Variants in BRD3 observed in about 807,000 individuals in gnomAD.
BRD3 encodes bromodomain-containing protein 3.
In BRD3, 17 loss-of-function variants were observed where a neutral mutation model predicts 66.8. The observed-to-expected ratio is 0.25, with a 90% confidence interval of 0.17 to 0.38. The LOEUF (loss-of-function observed/expected upper bound fraction) is 0.38. BRD3 is among the 10% of genes least tolerant of loss of function. The pLI is 1.00. For synonymous variants in BRD3, 421 were observed against 393.2 expected, an observed-to-expected ratio of 1.07 and a Z score of -0.84; for missense variants, 713 against 956.1, an observed-to-expected ratio of 0.75 and a Z score of 3.35.
Position 134,036,266 on chromosome 9 carries a change from C to T in BRD3, c.1702G>A (p.Glu568Lys). 1.2e-6 allele frequency: 2 copies of T among 1,613,882 alleles called. No individual in the cohort carries two copies. The highest frequency in any genetic ancestry group is 2.2e-5 in the East Asian group (1 of 44,882). Reference sequence around the variant, plus strand: ...TCATCGTAGCTCATGGGCAGGCCCTCCTCCTCTTCCTCTGAGTCGTAGGAG... The same window carrying T: ...TCATCGTAGCTCATGGGCAGGCCCTTCTCCTCTTCCTCTGAGTCGTAGGAG... ...SASYDSEEEE[E>K]GLPMSYDEKR... Residue 568 changes from glutamate (E) to lysine (K), a missense_variant, in exon 10 of 12, where the codon GAG becomes AAG. Around this residue, in one of 5 missense-constraint regions of BRD3, gnomAD observed 418 missense variants for 609.3 expected, o/e 0.69. Transcript: ENST00000303407.
At chr9:134,035,658 G>A (rs1025005100) in intron 10 of BRD3, among the ~76,000 whole-genome samples, 6 of 152,260 alleles carry the variant, frequency 3.9e-5, no homozygotes, top group East Asian at 1.9e-4. Flanking sequence ...AAATGGAGGG[G>A]AGCCTCAGGA....
chr9:134,052,610 G>A (rs1161242242), intron 2 of BRD3, among the ~76,000 whole-genome samples, 167 bp from the exon 3 acceptor site: 1 of 152,186 alleles, frequency 6.6e-6, no homozygotes, highest in Non-Finnish European at 1.5e-5. Flanking sequence ...TGAGTACTTG[G>A]CCAGCTCCAA....
chr9:134,046,618 G>T (rs1469710844), intron 6 of BRD3, among the ~76,000 whole-genome samples: 1 of 152,204 alleles, frequency 6.6e-6, no homozygotes, highest in Non-Finnish European at 1.5e-5. Flanking sequence ...TTCCGTTTTA[G>T]CATGTGCCGG....
chr9:134,037,188 C>A (rs77728685), intron 9 of BRD3, among the ~76,000 whole-genome samples: 1 of 152,024 alleles, frequency 6.6e-6, no homozygotes, highest in Non-Finnish European at 1.5e-5. Context: ...AAAAAATATA[C>A]CATGCAAACA....
At chr9:134,068,040 C>G (rs1167541640), upstream of BRD3, 1 of 145,084 alleles carries the variant, frequency 6.9e-6, no homozygotes, top group Non-Finnish European at 1.5e-5. Context: ...CGCGCCGGAG[C>G]CGAGCAGGGC....
At chr9:134,051,881 T>TGTGTGTGTG (rs1564555879) in intron 3 of BRD3, among the ~76,000 whole-genome samples, 172 bp from the exon 4 acceptor site, 5 of 51,788 alleles carry the variant, frequency 9.7e-5, no homozygotes, top group African/African-American at 4.9e-4. Flanking sequence ...GTGTGTGTTG[T>TGTGTGTGTG]TTTTTTTGTT....
chr9:134,043,999 A>G (rs1423034255), intron 7 of BRD3, among the ~76,000 whole-genome samples: 2 of 152,230 alleles, frequency 1.3e-5, no homozygotes, highest in Non-Finnish European at 2.9e-5. Flanking sequence ...GCAGGGGCAG[A>G]GCTGCCAGCT....
At chr9:134,066,894 G>A (rs1830671175) in intron 1 of BRD3, among the ~76,000 whole-genome samples, 1 of 152,206 alleles carries the variant, frequency 6.6e-6, no homozygotes, top group African/African-American at 2.4e-5. Context: ...GAACCCACAC[G>A]ATGGACGCCG....
At chr9:134,051,985 G>A (rs1830316736) in intron 3 of BRD3, among the ~76,000 whole-genome samples, 1 of 150,874 alleles carries the variant, frequency 6.6e-6, no homozygotes, top group Non-Finnish European at 1.5e-5. Flanking sequence ...CCACCTCCCG[G>A]GTTTAAGTGA....
intron 1 of BRD3, 125 bp from the exon 2 acceptor site, chr9:134,053,715 C>A: frequency 1.2e-6 from 1 of 838,748 alleles, no homozygotes; most frequent in Non-Finnish European, 1.7e-6. Context: ...ACTCACTCAC[C>A]CCCATTGCCC....
intron 1 of BRD3, among the ~76,000 whole-genome samples, chr9:134,061,593 G>A (rs560183399): frequency 3.9e-5 from 6 of 152,200 alleles, no homozygotes; most frequent in African/African-American, 1.4e-4. Context: ...CCATAGCTCT[G>A]GGCCTCTGTA....
chr9:134,062,379 C>T (rs538325590), intron 1 of BRD3, among the ~76,000 whole-genome samples: 198 of 152,254 alleles, frequency 1.3e-3, no homozygotes, highest in Non-Finnish European at 2.2e-3. Flanking sequence ...CAGCTGCCAG[C>T]GCTGCCTCTC....
chr9:134,060,192 C>T (rs532691422), intron 1 of BRD3, among the ~76,000 whole-genome samples: 61 of 152,328 alleles, frequency 4.0e-4, no homozygotes, highest in African/African-American at 1.4e-3. Flanking sequence ...AGGCAGCCTG[C>T]CTTAGACACA....
rs934182929 is a variant in BRD3, at chr9:134,045,670, T to C, written c.1087-249A>G. Among the ~76,000 whole-genome samples, 6 of 152,114 alleles carry C rather than the reference T, an allele frequency of 3.9e-5. No individual in the cohort carries two copies. The highest frequency in any genetic ancestry group is 1.4e-4 in the African/African-American group (6 of 41,426). ...GGACTCCAGAGACAGATCTCCTGAT[T>C]GGAAGAAAAATGCACTCAACAAGAA... On this transcript the variant is annotated intron_variant, in intron 6 of 11. Coordinates refer to ENST00000303407, the MANE Select transcript of BRD3 (RefSeq NM_007371.4). This position sits in a 1 kb window ranked among gnomAD's most constrained non-coding sequence, Gnocchi z 4.8.
chr9:134,067,457 G>C (rs529488411), intron 1 of BRD3, among the ~76,000 whole-genome samples: 3 of 149,274 alleles, frequency 2.0e-5, no homozygotes, highest in South Asian at 2.1e-4. Context: ...TGGCCCCGCG[G>C]AGCGCACGGC....
At chr9:134,067,820 TTCA>T in intron 1 of BRD3, 122 bp downstream of exon 1, 1 of 140,506 alleles carries the variant, frequency 7.1e-6, no homozygotes, top group African/African-American at 2.5e-5. Flanking sequence ...GGGCGCCCGG[TTCA>T]CCCGGACGCG....
rs200585897 is a variant in BRD3 at position 134,040,255 on chromosome 9, G to A, written c.1422C>T (p.His474=). The part of the protein sequence containing the change: ...AELQEQLKAV[H]EQLAALSQAP... ...CCTGAGACAGGGCGGCCAGCTGCTCGTGCACGGCCTTCAGCTGGAAAAGAG... is the reference window on the plus strand; with the variant it reads ...CCTGAGACAGGGCGGCCAGCTGCTCATGCACGGCCTTCAGCTGGAAAAGAG... The change falls in exon 9 of 12, where the codon CAC becomes CAT. Residue 474 remains histidine (H), a synonymous_variant. Coordinates refer to ENST00000303407, the MANE Select transcript of BRD3 (RefSeq NM_007371.4). 7.9e-5 allele frequency: 126 copies of A among 1,595,110 alleles called. No homozygotes were observed. Among genetic ancestry groups the A allele is most frequent in the Middle Eastern group, 1.6e-4 (1 of 6,064 alleles).
In BRD3 at chr9:134,041,873, T is replaced by C. The variant is rs1355009604; in HGVS notation, c.1294A>G (p.Met432Val). Reference protein sequence around the residue: ...APALPAPAAPMVSKGAESSRS... With the variant: ...APALPAPAAPVVSKGAESSRS... ...CTGCTCTCAGCGCCCTTGCTCACCA[T>C]GGGGGCCGCGGGGGCAGGCAGCGCC... is the stretch of plus-strand genomic sequence containing the variant. The change falls in exon 8 of 12, where the codon ATG becomes GTG. Residue 432 changes from methionine (M) to valine (V), a missense_variant. Around this residue, in one of 5 missense-constraint regions of BRD3, gnomAD observed 418 missense variants for 609.3 expected, o/e 0.69. Transcript: ENST00000303407. 1.9e-6 allele frequency: 3 copies of C among 1,612,204 alleles called. No individual in the cohort carries two copies. Among genetic ancestry groups the C allele is most frequent in the Non-Finnish European group, 2.5e-6 (3 of 1,179,398 alleles).
At chr9:134,064,730 C>A (rs932788773) in intron 1 of BRD3, among the ~76,000 whole-genome samples, 3 of 152,144 alleles carry the variant, frequency 2.0e-5, no homozygotes, top group Non-Finnish European at 4.4e-5. Flanking sequence ...AATAAGCAAG[C>A]CCTCAAGCCT....
Sources: gnomAD v4.1 joint callset for allele counts (sites outside exome capture counted in the v4.1 genomes callset) on GRCh38, gnomAD v4.1.1 for gene constraint, gnomAD v4.1.1 regional missense constraint, Gnocchi (gnomAD v3.1) non-coding constraint, MANE v1.5 for transcripts, NCBI Gene and HGNC (gene_info 2026-07-23, HGNC 2026-07-21) for gene names.